The following MBOAT1 variants were observed in gnomAD, a reference collection of about 807,000 sequenced individuals.
MBOAT1 encodes the protein membrane bound glycerophospholipid O-acyltransferase 1.
MBOAT1 carries 67 observed loss-of-function variants against 64.4 expected under a neutral mutation model. The ratio of observed to expected loss-of-function variants is 1.04; its 90% CI spans 0.85 to 1.27. The LOEUF (loss-of-function observed/expected upper bound fraction) is 1.27. MBOAT1 is among the 50% of genes most tolerant of loss of function. MBOAT1 has a pLI of 0.00. For synonymous variants in MBOAT1, 229 were observed against 218.9 expected (o/e 1.05, Z -0.41); for missense variants, 563 against 604.6 (o/e 0.93, Z 0.72).
At chr6:20,141,359 C>CTTTTTTTTTTTTTT (rs755615744) in intron 4 of MBOAT1, among the ~76,000 whole-genome samples, 7 of 99,810 alleles carry the variant, frequency 7.0e-5, no homozygotes, top group South Asian at 3.6e-4. Context: ...TTTTCTTTTT[C>CTTTTTTTTTTTTTT]TTTTTTTTTT....
chr6:20,145,051 G>A (rs2113682515), intron 3 of MBOAT1, among the ~76,000 whole-genome samples: 1 of 152,282 alleles, frequency 6.6e-6, no homozygotes, highest in South Asian at 2.1e-4. Context: ...CTTGTCAAAT[G>A]TGTAATTATA....
chr6:20,125,180 CA>C (rs772547831), intron 7 of MBOAT1, among the ~76,000 whole-genome samples: 20 of 152,178 alleles, frequency 1.3e-4, no homozygotes, highest in Non-Finnish European at 2.6e-4. Context: ...TTCCTCTGGA[CA>C]GAGTGATTTT....
chr6:20,192,621 G>A (rs1246241824), intron 1 of MBOAT1, among the ~76,000 whole-genome samples: 7 of 152,200 alleles, frequency 4.6e-5, no homozygotes, highest in African/African-American at 1.7e-4. Context: ...CTTCAAAAAT[G>A]TGATGGGGCT....
intron 11 of MBOAT1, among the ~76,000 whole-genome samples, chr6:20,111,519 A>G (rs1472833790): frequency 6.6e-6 from 1 of 151,548 alleles, no homozygotes; most frequent in African/African-American, 2.4e-5. Flanking sequence ...TTTCCAGGCC[A>G]TCCAAAAGAA....
At chr6:20,141,127 A>G (rs1761157660) in intron 4 of MBOAT1, among the ~76,000 whole-genome samples, 1 of 152,134 alleles carries the variant, frequency 6.6e-6, no homozygotes, top group Non-Finnish European at 1.5e-5. Flanking sequence ...GTTTTTACAA[A>G]TGAAGTAAGA....
intron 1 of MBOAT1, among the ~76,000 whole-genome samples, chr6:20,161,572 G>C (rs1176628614): frequency 6.6e-6 from 1 of 151,988 alleles, no homozygotes; most frequent in African/African-American, 2.4e-5. Flanking sequence ...ACCATGTGTT[G>C]GGCACAGTGA....
intron 3 of MBOAT1, among the ~76,000 whole-genome samples, chr6:20,147,438 G>A (rs1007952239): frequency 2.0e-5 from 3 of 152,202 alleles, no homozygotes; most frequent in Admixed American, 6.5e-5. Flanking sequence ...TCAGGGGTTC[G>A]AGACCAGCCT....
At chr6:20,152,485 A>T in intron 2 of MBOAT1, 139 bp downstream of exon 2, 1 of 824,764 alleles carries the variant, frequency 1.2e-6, no homozygotes, top group East Asian at 2.9e-5. Context: ...TCATTATCCT[A>T]CTATAAGGTA....
intron 4 of MBOAT1, among the ~76,000 whole-genome samples, chr6:20,142,716 C>T (rs965845491): frequency 6.6e-6 from 1 of 152,146 alleles, no homozygotes; most frequent in Non-Finnish European, 1.5e-5. Context: ...TCCCAAAGTG[C>T]TGGAATTATA....
chr6:20,143,972 G>A (rs539359484), intron 4 of MBOAT1, among the ~76,000 whole-genome samples: 3 of 152,296 alleles, frequency 2.0e-5, no homozygotes, highest in Admixed American at 6.5e-5. Context: ...CAATATAACT[G>A]TACAAAGACA....
intron 1 of MBOAT1, among the ~76,000 whole-genome samples, chr6:20,153,962 A>C (rs1228743072): frequency 6.6e-6 from 1 of 152,256 alleles, no homozygotes; most frequent in Non-Finnish European, 1.5e-5. Flanking sequence ...TAAACTCTTC[A>C]AAGTATTCAA....
At chr6:20,168,528 A>AAGAGAAGAGGAGAGG (rs1554120187) in intron 1 of MBOAT1, among the ~76,000 whole-genome samples, 6 of 69,704 alleles carry the variant, frequency 8.6e-5, no homozygotes, top group Non-Finnish European at 1.8e-4. Flanking sequence ...GAGAGGAGAG[A>AAGAGAAGAGGAGAGG]AGAGGAGAGG....
rs770733736 is a variant in MBOAT1, at chr6:20,152,734, A to C, written c.135T>G (p.Phe45Leu). The change falls in exon 2 of 13, where the codon TTT becomes TTG. Residue 45 changes from phenylalanine (F) to leucine (L), a missense_variant. Phe to Leu is a conservative substitution (Grantham distance 22, BLOSUM62 0). Transcript: ENST00000324607. ...NFVVCQLVAL[F>L]AAFWFRIYLR... ...AGTAGATGCGAAACCAGAAAGCAGC[A>C]AACAGAGCAACAAGCTGGCATACCA... 4 of 1,612,610 alleles carry C rather than the reference A, an allele frequency of 2.5e-6. No homozygotes were observed. The highest frequency in any genetic ancestry group is 3.4e-6 in the Non-Finnish European group (4 of 1,178,908).
At chr6:20,138,417 C>G (rs1005211199) in intron 4 of MBOAT1, among the ~76,000 whole-genome samples, 1 of 152,156 alleles carries the variant, frequency 6.6e-6, no homozygotes, top group Non-Finnish European at 1.5e-5. Context: ...AAATAAACAT[C>G]TCTTGAGGAC....
At chr6:20,200,142 A>G (rs1243543467) in intron 1 of MBOAT1, among the ~76,000 whole-genome samples, 1 of 152,172 alleles carries the variant, frequency 6.6e-6, no homozygotes, top group East Asian at 1.9e-4. Context: ...TATAGTTCAC[A>G]TGTTCCTAAG....
At chr6:20,211,969 AACACACAC>A (rs57852903) in intron 1 of MBOAT1, 159 bp downstream of exon 1, 13,160 of 456,800 alleles carry the variant, frequency 0.029, 244 homozygotes, top group African/African-American at 0.098. Context: ...AAGAAGGGAA[AACACACAC>A]ACACACACAC....
intron 9 of MBOAT1, 69 bp from the exon 10 acceptor site, chr6:20,115,421 G>A: frequency 7.7e-7 from 1 of 1,297,406 alleles, no homozygotes; most frequent in Non-Finnish European, 1.1e-6. Context: ...GTTCTCCCCA[G>A]TTTCCCTGGC....
intron 4 of MBOAT1, among the ~76,000 whole-genome samples, chr6:20,132,635 CG>C (rs1318774235): frequency 6.6e-6 from 1 of 152,114 alleles, no homozygotes; most frequent in African/African-American, 2.4e-5. Context: ...TAGAAGAAAA[CG>C]TAAGTATAAA....
chr6:20,128,729 A>G lies in MBOAT1; in HGVS notation c.500T>C (p.Leu167Pro), dbSNP rs868179432. The change falls in exon 6 of 13, where the codon CTT becomes CCT. Residue 167 changes from leucine (L) to proline (P), a missense_variant. Physicochemically the swap from Leu to Pro is moderately conservative, Grantham distance 98 (BLOSUM62 -3). Coordinates refer to ENST00000324607, the MANE Select transcript of MBOAT1 (RefSeq NM_001080480.3). ...HDGLGRRAEDLSAEQHRLAIK... is the reference protein window; with the variant it reads ...HDGLGRRAEDPSAEQHRLAIK... ...AGCAAGTCGATGTTGTTCAGCAGAA[A>G]GGTCTTCAGCTCTTCGACCTAATCC... 1.9e-6 allele frequency: 3 copies of G among 1,611,056 alleles called. No homozygotes were observed. Among genetic ancestry groups the G allele is most frequent in the Non-Finnish European group, 2.5e-6 (3 of 1,178,888 alleles).
Sources: allele counts gnomAD v4.1 joint callset (sites outside exome capture counted in the v4.1 genomes callset), GRCh38; gene constraint gnomAD v4.1.1; transcripts MANE v1.5; gene names NCBI Gene and HGNC (gene_info 2026-07-23, HGNC 2026-07-21).